Variants in KCNH7 observed in about 807,000 individuals in gnomAD.
KCNH7 encodes the protein voltage-gated inwardly rectifying potassium channel KCNH7.
In KCNH7, 49 loss-of-function variants were observed where a neutral mutation model predicts 120.8. The observed-to-expected ratio is 0.41, with a 90% confidence interval of 0.32 to 0.51. The LOEUF is 0.51. Ranked by LOEUF, KCNH7 falls within the 20% of genes least tolerant of loss-of-function variation. The probability of loss-of-function intolerance (pLI) is 0.38; values close to 1 mark genes in which losing one functional copy is unlikely to be tolerated. For missense variants in KCNH7, 1,097 were observed against 1,446.6 expected, an observed-to-expected ratio of 0.76 and a Z score of 3.92; for synonymous variants, 547 against 516.1, an observed-to-expected ratio of 1.06 and a Z score of -0.81.
Position 162,512,687 on chromosome 2 carries a change from C to T in KCNH7, c.893-13G>A. 6.2e-7 allele frequency: 1 copy of T among 1,601,372 alleles called. No individual in the cohort carries two copies. Among genetic ancestry groups the T allele is most frequent in the Non-Finnish European group, 8.5e-7 (1 of 1,171,344 alleles). ...TTGCGACCATTGTCTGTTTTGAGCA[C>T]ATAAGGATAAAAAAAGAGAAATATA... On this transcript the variant is annotated splice_polypyrimidine_tract_variant and intron_variant, in intron 4 of 15. Transcript: ENST00000332142.
intron 2 of KCNH7, among the ~76,000 whole-genome samples, chr2:162,600,125 A>C (rs141100762): frequency 6.4e-4 from 98 of 152,240 alleles, no homozygotes; most frequent in African/African-American, 2.3e-3. Flanking sequence ...TCTAGCTTGT[A>C]ATCAATCACA....
intron 2 of KCNH7, among the ~76,000 whole-genome samples, chr2:162,687,832 G>A (rs1336060647): frequency 6.6e-6 from 1 of 152,060 alleles, no homozygotes; most frequent in East Asian, 1.9e-4. Context: ...TTCAAAAGAT[G>A]GGTTTCTAAG....
chr2:162,428,861 C>T (rs1427652823), intron 8 of KCNH7, among the ~76,000 whole-genome samples: 1 of 151,736 alleles, frequency 6.6e-6, no homozygotes. Flanking sequence ...TTTGTATGAA[C>T]ATTCTTTTTA....
intron 2 of KCNH7, among the ~76,000 whole-genome samples, chr2:162,595,702 G>A (rs968586542): frequency 3.3e-5 from 5 of 151,900 alleles, no homozygotes; most frequent in African/African-American, 1.2e-4. Context: ...ACATTGTGCT[G>A]GAAGTCCTAG....
intron 2 of KCNH7, among the ~76,000 whole-genome samples, chr2:162,648,367 G>A (rs971991910): frequency 2.0e-5 from 3 of 152,150 alleles, no homozygotes; most frequent in African/African-American, 7.2e-5. Context: ...GAACAGGAAA[G>A]GGGAAGTCCG....
Position 162,435,262 on chromosome 2 carries a change from G to A in KCNH7, c.1890C>T (p.Phe630=). 4 of 1,613,626 alleles carry A rather than the reference G, an allele frequency of 2.5e-6. No individual in the cohort carries two copies. In the South Asian group the frequency reaches 3.3e-5, roughly 13 times the overall value. ...FTFSSLTSVG[F]GNVSPNTNSE... ...AATTCGTGTTAGGAGACACATTCCC[G>A]AATCCTACACTGGTTAAACTGCTGA... The change falls in exon 8 of 16, where the codon TTC becomes TTT. Residue 630 remains phenylalanine (F), a synonymous_variant. Coordinates refer to ENST00000332142, the MANE Select transcript of KCNH7 (RefSeq NM_033272.4).
At chr2:162,609,941 C>A (rs2105969458) in intron 2 of KCNH7, among the ~76,000 whole-genome samples, 1 of 152,210 alleles carries the variant, frequency 6.6e-6, no homozygotes, top group South Asian at 2.1e-4. Context: ...AATTTAGGCC[C>A]AAACTGGGCC....
At chr2:162,817,771 A>G (rs1289303724) in intron 2 of KCNH7, among the ~76,000 whole-genome samples, 2 of 152,088 alleles carry the variant, frequency 1.3e-5, no homozygotes, top group Non-Finnish European at 2.9e-5. Flanking sequence ...TGCTAATAGC[A>G]TCTTAACTTT....
At chr2:162,761,808 A>G (rs1377794325) in intron 2 of KCNH7, among the ~76,000 whole-genome samples, 2 of 152,204 alleles carry the variant, frequency 1.3e-5, no homozygotes, top group Middle Eastern at 3.4e-3. Context: ...ATAAGAGTGG[A>G]TGGTGGTATT....
rs530696612 is a variant in KCNH7 at position 162,818,216 on chromosome 2, T to A, written c.307+18321A>T. Among the ~76,000 whole-genome samples, 4 of 152,148 alleles carry A rather than the reference T, an allele frequency of 2.6e-5. No homozygotes were observed. In the East Asian group the frequency reaches 7.7e-4, roughly 29 times the overall value. Reference sequence around the variant, plus strand: ...ACAGTTACAAAGATATTTTTGTTTATATCTCAAAAATTTATAATTTTAGCT... The same window carrying A: ...ACAGTTACAAAGATATTTTTGTTTAAATCTCAAAAATTTATAATTTTAGCT... On this transcript the variant is annotated intron_variant, in intron 2 of 15. Transcript: ENST00000332142.
intron 2 of KCNH7, among the ~76,000 whole-genome samples, chr2:162,598,837 G>A (rs62188254): frequency 0.039 from 5,860 of 152,188 alleles, 164 homozygotes; most frequent in Non-Finnish European, 0.059. Flanking sequence ...CACATTCTTT[G>A]TGGTGTTCTA....
intron 2 of KCNH7, among the ~76,000 whole-genome samples, chr2:162,548,589 A>C (rs1185136848): frequency 6.6e-6 from 1 of 152,026 alleles, no homozygotes; most frequent in Non-Finnish European, 1.5e-5. Context: ...TTGTTCACCC[A>C]GCAGCACACA....
chr2:162,385,609 G>T (rs950303126), intron 12 of KCNH7, among the ~76,000 whole-genome samples: 2 of 151,868 alleles, frequency 1.3e-5, no homozygotes, highest in Non-Finnish European at 2.9e-5. Flanking sequence ...AGTCCTGAAG[G>T]TTGTGTTAGA....
intron 2 of KCNH7, among the ~76,000 whole-genome samples, chr2:162,753,255 A>G (rs1323353488): frequency 6.6e-6 from 1 of 152,196 alleles, no homozygotes; most frequent in East Asian, 1.9e-4. Context: ...TATTCCTCAC[A>G]CTATTTTTTT....
rs562883093 is a variant in KCNH7, at chr2:162,597,829, C to G, written c.308-60749G>C. On this transcript the variant is annotated intron_variant, in intron 2 of 15. Transcript: ENST00000332142. ...TCCCATAAGTATATGCAATTATTGT[C>G]AACTAAAAATAAGAATGAAATTTAA... Among the ~76,000 whole-genome samples, 3 of 152,074 alleles carry G rather than the reference C, an allele frequency of 2.0e-5. No homozygotes were observed. In the East Asian group the frequency reaches 5.8e-4, roughly 29 times the overall value.
chr2:162,422,348 A>G (rs1266211413), intron 9 of KCNH7, among the ~76,000 whole-genome samples: 1 of 152,196 alleles, frequency 6.6e-6, no homozygotes, highest in East Asian at 1.9e-4. Flanking sequence ...TAAATTGTAC[A>G]GGCTCACTTA....
intron 2 of KCNH7, among the ~76,000 whole-genome samples, chr2:162,694,477 A>AGTGTGTGTGTGTGTGTGTGTGTGT (rs71009366): frequency 4.8e-5 from 7 of 146,302 alleles, no homozygotes; most frequent in African/African-American, 1.5e-4. Context: ...TGTGTGAAAG[A>AGTGTGTGTGTGTGTGTGTGTGTGT]GTGTGTGTGT....
At chr2:162,542,830 T>A (rs986816629) in intron 2 of KCNH7, among the ~76,000 whole-genome samples, 4 of 152,084 alleles carry the variant, frequency 2.6e-5, no homozygotes, top group African/African-American at 7.2e-5. Context: ...CGCCACACTG[T>A]CTTCCACAAT....
chr2:162,695,599 T>C (rs1313227333), intron 2 of KCNH7, among the ~76,000 whole-genome samples: 2 of 152,200 alleles, frequency 1.3e-5, no homozygotes, highest in African/African-American at 2.4e-5. Flanking sequence ...AAGTTTTCAC[T>C]GAACTGCACA....
Sources: gnomAD v4.1 joint callset for allele counts (sites outside exome capture counted in the v4.1 genomes callset) on GRCh38, gnomAD v4.1.1 for gene constraint, MANE v1.5 for transcripts, NCBI Gene and HGNC (gene_info 2026-07-23, HGNC 2026-07-21) for gene names.